PDE3B: variants seen among roughly 807,000 people sequenced by gnomAD.
PDE3B encodes phosphodiesterase 3B, also known as cGMP-inhibited 3',5'-cyclic phosphodiesterase 3B.
A neutral mutation model predicts 116.8 loss-of-function variants in PDE3B; 66 were observed. The observed-to-expected ratio is 0.56, with a 90% confidence interval of 0.46 to 0.69. The LOEUF is 0.69. PDE3B is among the 30% of genes least tolerant of loss of function. The pLI is 0.00. For missense variants in PDE3B, 1,384 were observed against 1,368.1 expected (o/e 1.01, Z -0.18); for synonymous variants, 595 against 533.6 (o/e 1.12, Z -1.59).
chr11:14,781,996 C>A (rs1482541985), intron 2 of PDE3B, among the ~76,000 whole-genome samples: 1 of 152,178 alleles, frequency 6.6e-6, no homozygotes, highest in Non-Finnish European at 1.5e-5. Flanking sequence ...GCAGAAATCA[C>A]AAGCATTCTT....
At chr11:14,811,590 G>A (rs1329540881) in intron 5 of PDE3B, among the ~76,000 whole-genome samples, 1 of 152,132 alleles carries the variant, frequency 6.6e-6, no homozygotes, top group Admixed American at 6.5e-5. Flanking sequence ...CTCCAGCTTT[G>A]TTCTTTTGGC....
intron 12 of PDE3B, among the ~76,000 whole-genome samples, chr11:14,855,186 A>G (rs559960006): frequency 1.6e-4 from 24 of 152,318 alleles, no homozygotes; most frequent in Non-Finnish European, 3.1e-4. Context: ...AAGATAAGAT[A>G]TAGGGGACTA....
At chr11:14,685,760 C>T (rs906035712) in intron 1 of PDE3B, among the ~76,000 whole-genome samples, 1 of 152,082 alleles carries the variant, frequency 6.6e-6, no homozygotes, top group African/African-American at 2.4e-5. Flanking sequence ...CTGGCCTCAT[C>T]TTTCGTGAGT....
intron 1 of PDE3B, among the ~76,000 whole-genome samples, chr11:14,764,860 C>T (rs1281599688): frequency 6.6e-6 from 1 of 151,656 alleles, no homozygotes; most frequent in Non-Finnish European, 1.5e-5. Context: ...TCTCCTACCC[C>T]TCCCCCTCCC....
chr11:14,643,840 G>A lies in PDE3B; in HGVS notation c.-236G>A. ...GTGCCCGAGGGAAAAGGAGGCGGCA[G>A]CTAAACTGGTCCTGGAGAGAAGCCC... On this transcript the variant is annotated 5_prime_UTR_variant, in exon 1 of 16. Coordinates refer to ENST00000282096, the MANE Select transcript of PDE3B (RefSeq NM_000922.4). 2.1e-6 allele frequency: 1 copy of A among 486,612 alleles called. No homozygotes were observed. The highest frequency in any genetic ancestry group is 3.4e-6 in the Non-Finnish European group (1 of 292,326). 30.1% of individuals were successfully genotyped at this position (486,612 alleles called of 1,614,324 possible).
chr11:14,835,215 G>A (rs1233006378), intron 11 of PDE3B, 120 bp downstream of exon 11: 3 of 586,308 alleles, frequency 5.1e-6, no homozygotes, highest in South Asian at 5.0e-5. Flanking sequence ...ACATACGAAG[G>A]ACTGTGTACG....
Position 14,644,353 on chromosome 11 carries a change from T to C in PDE3B, c.278T>C (p.Leu93Pro), listed in dbSNP as rs775127226. 2.1e-5 allele frequency: 33 copies of C among 1,592,380 alleles called. No homozygotes were observed. The highest frequency in any genetic ancestry group is 9.4e-6 in the Non-Finnish European group (11 of 1,172,024). ...CTGGCTGCCTTTGTCCTCGCCCTGC[T>C]GCTGGGCGCGGAACCCGAGAGCTGG... Reference protein sequence around the residue: ...GALAAFVLALLLGAEPESWAA... With the variant: ...GALAAFVLALPLGAEPESWAA... The change falls in exon 1 of 16, where the codon CTG becomes CCG. Residue 93 changes from leucine to proline, a missense_variant. Leu to Pro is a moderately conservative substitution (Grantham distance 98). Coordinates refer to ENST00000282096, the MANE Select transcript of PDE3B (RefSeq NM_000922.4).
At chr11:14,699,149 G>A (rs1408388783) in intron 1 of PDE3B, 1 of 151,878 alleles carries the variant, frequency 6.6e-6, no homozygotes, top group Non-Finnish European at 1.5e-5. Flanking sequence ...TTTTATTTCT[G>A]TGTGAGAACA....
At chr11:14,851,225 T>A (rs1416798311) in intron 12 of PDE3B, among the ~76,000 whole-genome samples, 2 of 152,122 alleles carry the variant, frequency 1.3e-5, no homozygotes, top group Non-Finnish European at 2.9e-5. Flanking sequence ...AAATGTGATC[T>A]GTGTGTTTCT....
In PDE3B at chr11:14,870,779, A is replaced by T. The variant is rs1555008937; in HGVS notation, c.*1119A>T. ...TTTCTGAAGCCTAACTGCAAGACTGATTTCTGAGAACAAGTAAAGAACTGG... is the reference window on the plus strand; with the variant it reads ...TTTCTGAAGCCTAACTGCAAGACTGTTTTCTGAGAACAAGTAAAGAACTGG... On this transcript the variant is annotated 3_prime_UTR_variant, in exon 16 of 16. Transcript: ENST00000282096. This position sits in a 1 kb window ranked among gnomAD's most constrained non-coding sequence, Gnocchi z 4.1. 1.3e-5 allele frequency: 2 copies of T among 152,224 alleles called. No homozygotes were observed. The highest frequency in any genetic ancestry group is 2.9e-5 in the Non-Finnish European group (2 of 68,012). 9.4% of individuals were successfully genotyped at this position (152,224 alleles called of 1,614,324 possible). A position where few individuals can be genotyped will look rare whatever the true frequency, so the allele number is the denominator to read the frequency against.
intron 12 of PDE3B, among the ~76,000 whole-genome samples, chr11:14,854,774 C>T (rs1289519804): frequency 6.6e-6 from 1 of 152,130 alleles, no homozygotes; most frequent in Admixed American, 6.5e-5. Flanking sequence ...TTCAGCCACC[C>T]AAAGTGCTGG....
chr11:14,848,061 T>C (rs1237504476), intron 12 of PDE3B, among the ~76,000 whole-genome samples: 3 of 149,964 alleles, frequency 2.0e-5, no homozygotes, highest in Non-Finnish European at 4.4e-5. Flanking sequence ...ACCAATATCC[T>C]TGATGAACAT....
chr11:14,739,930 G>A (rs192579928), intron 1 of PDE3B, among the ~76,000 whole-genome samples: 2 of 152,278 alleles, frequency 1.3e-5, no homozygotes, highest in South Asian at 2.1e-4. Context: ...TGTTGAACTA[G>A]CCTTGCATCC....
the PDE3B span, among the ~76,000 whole-genome samples, chr11:14,894,455 A>T: frequency 6.6e-6 from 1 of 152,338 alleles, no homozygotes; most frequent in East Asian, 1.9e-4. Flanking sequence ...GTTATACAGT[A>T]CAGGTACTTG....
chr11:14,745,726 T>G (rs1297777435), intron 1 of PDE3B, among the ~76,000 whole-genome samples: 41 of 152,296 alleles, frequency 2.7e-4, no homozygotes, highest in Non-Finnish European at 5.9e-5. Flanking sequence ...CTTCACCATT[T>G]TTTTTCCACC....
chr11:14,788,936 G>A (rs748311323), intron 3 of PDE3B, 170 bp from the exon 4 acceptor site: 2 of 446,640 alleles, frequency 4.5e-6, no homozygotes. Flanking sequence ...TAACAAAATA[G>A]AGTGTGAAAT....
chr11:14,791,578 A>G (rs1026445346), intron 4 of PDE3B, among the ~76,000 whole-genome samples: 4 of 151,976 alleles, frequency 2.6e-5, no homozygotes, highest in Non-Finnish European at 2.9e-5. Flanking sequence ...TTTACTCTCT[A>G]TTCTTCTCCT....
intron 1 of PDE3B, among the ~76,000 whole-genome samples, chr11:14,665,212 C>G (rs1054623996): frequency 2.0e-5 from 3 of 152,164 alleles, no homozygotes; most frequent in Non-Finnish European, 2.9e-5. Context: ...TGACAAAATT[C>G]AACAACCCTT....
intron 1 of PDE3B, chr11:14,674,207 T>A: frequency 8.0e-7 from 1 of 1,257,284 alleles, no homozygotes. Flanking sequence ...TTTCCAGGGG[T>A]TTTCTGTTTG....
Sources: allele counts gnomAD v4.1 joint callset (sites outside exome capture counted in the v4.1 genomes callset), GRCh38; gene constraint gnomAD v4.1.1; non-coding constraint Gnocchi (gnomAD v3.1); transcripts MANE v1.5; gene names NCBI Gene and HGNC (gene_info 2026-07-23, HGNC 2026-07-21).